The following SV2B variants were observed in gnomAD, a reference collection of about 807,000 sequenced individuals.
The protein encoded by SV2B is solute carrier family 22 member B2.
SV2B carries 41 observed loss-of-function variants against 73.9 expected under a neutral mutation model. That is an observed-to-expected ratio of 0.56 (90% confidence interval 0.43 to 0.72). The LOEUF is 0.72. Among genes scored for constraint, SV2B ranks in the 30% least tolerant of loss-of-function variants. The probability of loss-of-function intolerance (pLI) is 0.00; values close to 1 mark genes in which losing one functional copy is unlikely to be tolerated. For missense variants in SV2B, 764 were observed against 857.8 expected (o/e 0.89, Z 1.37); for synonymous variants, 314 against 314.2 (o/e 1.00, Z 0.01).
intron 10 of SV2B, among the ~76,000 whole-genome samples, chr15:91,282,346 G>T (rs929661168): frequency 6.6e-6 from 1 of 152,136 alleles, no homozygotes; most frequent in Admixed American, 6.5e-5. Flanking sequence ...GAAATACAAA[G>T]ACTATTTTAA....
At position 91,197,832 on chromosome 15, in the gene SV2B, C is replaced by A. The variant is rs113381504; in HGVS notation, c.-391-28041C>A. ...GTGGATCACCTGAGGTCAGGAGTTC[C>A]AGATCAGCTTGGCCAACATGGTGAA... On this transcript the variant is annotated intron_variant, in intron 1 of 12. Coordinates refer to ENST00000394232, the MANE Select transcript of SV2B (RefSeq NM_001323032.3). This position sits in a 1 kb window ranked among gnomAD's most constrained non-coding sequence, Gnocchi z 4.9. 0.035 allele frequency among the ~76,000 whole-genome samples: 5,277 copies of A among 151,966 alleles called. 297 individuals are homozygous for A. Among genetic ancestry groups the A allele is most frequent in the African/African-American group, 0.12 (4,876 of 41,418 alleles).
At chr15:91,148,055 A>G (rs1365765269) in intron 1 of SV2B, among the ~76,000 whole-genome samples, 1 of 127,546 alleles carries the variant, frequency 7.8e-6, no homozygotes, top group Non-Finnish European at 1.5e-5. Context: ...ATCTCGGCTC[A>G]CTGCAACTTC....
Position 91,267,514 on chromosome 15 carries a change from C to T in SV2B, c.1120-41C>T, listed in dbSNP as rs1462445276. 3.9e-6 allele frequency: 6 copies of T among 1,535,936 alleles called. No individual in the cohort carries two copies. The highest frequency in any genetic ancestry group is 5.4e-6 in the Non-Finnish European group (6 of 1,112,126). ...TCTTCGTGGGAGAAACAAAGTCACA[C>T]ATTGCTTTCTTTAACAATCCTTCTC... On this transcript the variant is annotated intron_variant, in intron 7 of 12. Coordinates refer to ENST00000394232, the MANE Select transcript of SV2B (RefSeq NM_001323032.3). This position sits in a 1 kb window ranked among gnomAD's most constrained non-coding sequence, Gnocchi z 4.3.
In SV2B at chr15:91,297,703, A is replaced by T. The variant is rs1443568558; in HGVS notation, c.*5151A>T. On this transcript the variant is annotated 3_prime_UTR_variant, in exon 13 of 13. Transcript: ENST00000394232. This position sits in a 1 kb window ranked among gnomAD's most constrained non-coding sequence, Gnocchi z 5.1. ...AAACCAACCCAACCAGAAGCTCACAAAAACTAGCAGCCTGTGAAAAATGAT... is the reference window on the plus strand; with the variant it reads ...AAACCAACCCAACCAGAAGCTCACATAAACTAGCAGCCTGTGAAAAATGAT... 3 of 152,208 alleles carry T rather than the reference A, an allele frequency of 2.0e-5. No homozygotes were observed. The highest frequency in any genetic ancestry group is 4.4e-5 in the Non-Finnish European group (3 of 68,034). The allele number at this position is 152,208 out of a possible 1,614,324, so 9.4% of individuals were successfully genotyped here.
At position 91,187,637 on chromosome 15, in the gene SV2B, C is replaced by T. The variant is rs571977428; in HGVS notation, c.-391-38236C>T. 2.0e-5 allele frequency among the ~76,000 whole-genome samples: 3 copies of T among 149,380 alleles called. No individual in the cohort carries two copies. In the Admixed American group the frequency reaches 2.0e-4, roughly 10 times the overall value. ...GCCTTAGACAAATAGTGACAACCTG[C>T]AATTCATTCAATTTTATGTTTTGTT... On this transcript the variant is annotated intron_variant, in intron 1 of 12. Transcript: ENST00000394232.
rs957049695 is a variant in SV2B, at chr15:91,245,376, C to T, written c.452-6443C>T. Among the ~76,000 whole-genome samples, 10 of 152,272 alleles carry T rather than the reference C, an allele frequency of 6.6e-5. No individual in the cohort carries two copies. Among genetic ancestry groups the T allele is most frequent in the Admixed American group, 1.3e-4 (2 of 15,298 alleles). On this transcript the variant is annotated intron_variant, in intron 2 of 12. Transcript: ENST00000394232. The surrounding 1 kb of genome is among the most constrained non-coding windows in gnomAD (Gnocchi z 4.2). ...GTGAAAAGCTAGACTATGAAGCTTT[C>T]GAGACAGAAAGATTTCTATCGTGTA... is the stretch of plus-strand genomic sequence containing the variant.
chr15:91,252,264 C>G lies in SV2B; in HGVS notation c.633-105C>G. ...GGCCGGTCTCTCAAATTCACTGGGT[C>G]CTTTCACCACAGAGCCTAAGGTGGG... On this transcript the variant is annotated intron_variant, in intron 3 of 12. Coordinates refer to ENST00000394232, the MANE Select transcript of SV2B (RefSeq NM_001323032.3). The surrounding 1 kb of genome is among the most constrained non-coding windows in gnomAD (Gnocchi z 4.6). The G allele has an allele frequency of 7.0e-7, 1 of 1,437,434 alleles. No individual in the cohort carries two copies. The highest frequency in any genetic ancestry group is 1.4e-5 in the South Asian group (1 of 72,116). The allele number at this position is 1,437,434 out of a possible 1,614,324, so 89.0% of individuals were successfully genotyped here. A position where few individuals can be genotyped will look rare whatever the true frequency, so the allele number is the denominator to read the frequency against.
intron 2 of SV2B, among the ~76,000 whole-genome samples, chr15:91,230,019 T>C (rs2046514608): frequency 6.6e-6 from 1 of 152,118 alleles, no homozygotes; most frequent in Non-Finnish European, 1.5e-5. Flanking sequence ...GGTGGGAAGA[T>C]CACTTGAGGC....
intron 9 of SV2B, among the ~76,000 whole-genome samples, chr15:91,278,594 G>A (rs2048573349): frequency 1.5e-5 from 2 of 137,242 alleles, no homozygotes; most frequent in African/African-American, 6.1e-5. Context: ...CAGGAGAATG[G>A]CGTGAACCCG....
In SV2B at chr15:91,293,139, TC is replaced by T. The variant is rs1419436526; in HGVS notation, c.*589del. ...CAACATCTATAGAGATCTACTTTTC[TC>T]CTATGTCTCCTAGGCTTTCCATGAT... On this transcript the variant is annotated 3_prime_UTR_variant, in exon 13 of 13. Coordinates refer to ENST00000394232, the MANE Select transcript of SV2B (RefSeq NM_001323032.3). 8 of 152,394 alleles carry T rather than the reference TC, an allele frequency of 5.2e-5. No homozygotes were observed. The South Asian group carries it at 8.3e-4, about 16-fold the overall frequency. The allele number at this position is 152,394 out of a possible 1,614,324, so 9.4% of individuals were successfully genotyped here.
chr15:91,221,690 T>TGCGCACGCGCGCGCACGCGC (rs1555486410), intron 1 of SV2B, among the ~76,000 whole-genome samples: 20 of 111,066 alleles, frequency 1.8e-4, no homozygotes, highest in African/African-American at 5.6e-4. Context: ...ACCAAGCATG[T>TGCGCACGCGCGCGCACGCGC]GCGCACACAC....
chr15:91,234,142 C>A lies in SV2B; in HGVS notation c.451+7428C>A, dbSNP rs1383707509. Among the ~76,000 whole-genome samples the A allele has an allele frequency of 6.6e-6, 1 of 152,092 alleles. No individual in the cohort carries two copies. Among genetic ancestry groups the A allele is most frequent in the Admixed American group, 6.6e-5 (1 of 15,262 alleles). On this transcript the variant is annotated intron_variant, in intron 2 of 12. Transcript: ENST00000394232. This position sits in a 1 kb window ranked among gnomAD's most constrained non-coding sequence, Gnocchi z 5.6. ...TAGTAAATGAAGTCGAAATGCCAGA[C>A]CTATGTTGGTTTATGGTAGAGGAAG...
chr15:91,145,686 C>T (rs772726505), intron 1 of SV2B, among the ~76,000 whole-genome samples: 2 of 152,144 alleles, frequency 1.3e-5, no homozygotes, highest in African/African-American at 2.4e-5. Flanking sequence ...GCCATTCTGA[C>T]TGGTATGAGA....
chr15:91,141,559 G>T lies in SV2B; in HGVS notation c.-392+41196G>T, dbSNP rs2141187483. Among the ~76,000 whole-genome samples the T allele has an allele frequency of 6.6e-6, 1 of 152,350 alleles. No individual in the cohort carries two copies. The highest frequency in any genetic ancestry group is 2.4e-5 in the African/African-American group (1 of 41,588). On this transcript the variant is annotated intron_variant, in intron 1 of 12. Coordinates refer to ENST00000394232, the MANE Select transcript of SV2B (RefSeq NM_001323032.3). This position sits in a 1 kb window ranked among gnomAD's most constrained non-coding sequence, Gnocchi z 4.6. ...AATTCCAGCGAGCTTTGCTTTGAAT[G>T]TCTAAAGAGTGGTAAGGGTAATATC...
rs758703671 is a variant in SV2B at position 91,289,665 on chromosome 15, A to G, written c.1853A>G (p.Tyr618Cys). ...CTGGATGTGATCACAGTGGAGCTGT[A>G]TCCCACCAACCAGAGGTCAGTTCTT... ...NALDVITVEL[Y>C]PTNQRATAFG... The change falls in exon 12 of 13, where the codon TAT becomes TGT. Residue 618 changes from tyrosine (Y) to cysteine (C), a missense_variant. By Grantham distance (194) the Tyr-to-Cys change is radical. Transcript: ENST00000394232. The surrounding 1 kb of genome is among the most constrained non-coding windows in gnomAD (Gnocchi z 4.9). The G allele has an allele frequency of 6.2e-7, 1 of 1,613,276 alleles. No homozygotes were observed. Among genetic ancestry groups the G allele is most frequent in the East Asian group, 2.2e-5 (1 of 44,874 alleles).
At chr15:91,291,618 G>A (rs1328094086) in intron 12 of SV2B, among the ~76,000 whole-genome samples, 1 of 152,210 alleles carries the variant, frequency 6.6e-6, no homozygotes, top group Non-Finnish European at 1.5e-5. Flanking sequence ...TCAGGTAACT[G>A]TGGTCTTAAG....
rs1018203198 is a variant in SV2B, at chr15:91,180,021, C to T, written c.-391-45852C>T. 1.4e-3 allele frequency among the ~76,000 whole-genome samples: 217 copies of T among 150,824 alleles called. 1 individual carries two copies. The highest frequency in any genetic ancestry group is 2.2e-3 in the Non-Finnish European group (152 of 67,622). On this transcript the variant is annotated intron_variant, in intron 1 of 12. Transcript: ENST00000394232. ...TTTACATTTTGGCATGATTTTGCAG[C>T]GGCTGGTACCGGTTGTTCCTTTCCA...
At chr15:91,176,583 G>C (rs371782510) in intron 1 of SV2B, among the ~76,000 whole-genome samples, 13 of 152,124 alleles carry the variant, frequency 8.5e-5, no homozygotes, top group Middle Eastern at 3.4e-3. Flanking sequence ...GATCGCCATT[G>C]TAACTGGTGT....
intron 4 of SV2B, among the ~76,000 whole-genome samples, chr15:91,254,234 CT>C (rs201841298): frequency 0.14 from 17,684 of 127,058 alleles, 2,236 homozygotes; most frequent in African/African-American, 0.38. Flanking sequence ...ATTTTCACTT[CT>C]TTTTTTTTTT....
Sources: gnomAD v4.1 joint callset for allele counts (sites outside exome capture counted in the v4.1 genomes callset) on GRCh38, gnomAD v4.1.1 for gene constraint, Gnocchi (gnomAD v3.1) non-coding constraint, MANE v1.5 for transcripts, NCBI Gene and HGNC (gene_info 2026-07-23, HGNC 2026-07-21) for gene names.